Variants in ANO8 observed in about 807,000 individuals in gnomAD.
ANO8 encodes anoctamin 8.
Under a neutral mutation model 120.4 loss-of-function variants are expected in ANO8, and 67 were observed. That is an observed-to-expected ratio of 0.56 (90% CI 0.46 to 0.68). The LOEUF (loss-of-function observed/expected upper bound fraction) is 0.68, where lower values mean the gene tolerates loss of function less well. ANO8 is among the 30% of genes least tolerant of loss of function. ANO8 has a pLI of 0.00. For missense variants in ANO8, 1,526 were observed against 1,737.6 expected, an observed-to-expected ratio of 0.88 and a Z score of 2.16; for synonymous variants, 727 against 759.2, an observed-to-expected ratio of 0.96 and a Z score of 0.70.
In ANO8 at chr19:17,330,188, C is replaced by A; in HGVS notation, c.1210G>T (p.Ala404Ser). 4 of 1,614,078 alleles carry A rather than the reference C, an allele frequency of 2.5e-6. No individual in the cohort carries two copies. Among genetic ancestry groups the A allele is most frequent in the Non-Finnish European group, 8.5e-7 (1 of 1,180,024 alleles). The change falls in exon 10 of 18, where the codon GCC (alanine) becomes TCC (serine). Residue 404 changes from alanine to serine, a missense_variant. By Grantham distance (99) the Ala-to-Ser change is moderately conservative. This residue lies in a region of ANO8 where 91 missense variants were observed against 85.3 expected (regional missense o/e 1.07). Coordinates refer to ENST00000159087, the MANE Select transcript of ANO8 (RefSeq NM_020959.3). ...TCGGCACTCACACTGACAAGCAGGGCCAGCATGACCTTAGGCAGGAATCGG... is the reference window on the plus strand; with the variant it reads ...TCGGCACTCACACTGACAAGCAGGGACAGCATGACCTTAGGCAGGAATCGG... ...LARFLPKVML[A>S]LLVSVSAEGY...
chr19:17,333,959 C>T lies in ANO8; in HGVS notation c.107-159G>A, dbSNP rs989566162. 6.6e-6 allele frequency among the ~76,000 whole-genome samples: 1 copy of T among 152,176 alleles called. No homozygotes were observed. The highest frequency in any genetic ancestry group is 2.4e-5 in the African/African-American group (1 of 41,440). On this transcript the variant is annotated intron_variant, in intron 1 of 17. Coordinates refer to ENST00000159087, the MANE Select transcript of ANO8 (RefSeq NM_020959.3). This position sits in a 1 kb window ranked among gnomAD's most constrained non-coding sequence, Gnocchi z 7.2. Reference sequence around the variant, plus strand: ...TTGGCTTATTTTCCTCCCTCCACGTCCTTGTACCAGCCAGGCCTTCCTCCA... The same window carrying T: ...TTGGCTTATTTTCCTCCCTCCACGTTCTTGTACCAGCCAGGCCTTCCTCCA...
In ANO8 at chr19:17,328,710, C is replaced by T. The variant is rs1166330031; in HGVS notation, c.1678G>A (p.Ala560Thr). The change falls in exon 13 of 18, where the codon GCG (alanine) becomes ACG (threonine). Residue 560 changes from alanine (A) to threonine (T), a missense_variant. Physicochemically the swap from Ala to Thr is moderately conservative, Grantham distance 58 (BLOSUM62 0). Transcript: ENST00000159087. ...CCCGCCCGCCGCCGCTCCACCAGCG[C>T]CGCCTCCTCCTCCTCCTCCGGCGCC... is the stretch of plus-strand genomic sequence containing the variant. ...CGAPEEEEEA[A>T]LVERRRAGEG... 1.4e-6 allele frequency: 2 copies of T among 1,381,812 alleles called. No individual in the cohort carries two copies. The highest frequency in any genetic ancestry group is 3.0e-5 in the African/African-American group (2 of 66,066). The allele number at this position is 1,381,812 out of a possible 1,614,324, so 85.6% of individuals were successfully genotyped here.
At chr19:17,329,505 G>C in intron 12 of ANO8, 1 of 548,612 alleles carries the variant, frequency 1.8e-6, no homozygotes. Flanking sequence ...TGCAGCTGCC[G>C]CTCGAGGCTC....
chr19:17,332,514 C>T (rs1297981014), intron 5 of ANO8, among the ~76,000 whole-genome samples: 1 of 152,218 alleles, frequency 6.6e-6, no homozygotes, highest in Non-Finnish European at 1.5e-5. Flanking sequence ...GAATCCAACG[C>T]CCAGAGCCGC....
In ANO8 at chr19:17,327,808, G is replaced by A. The variant is rs1446262892; in HGVS notation, c.2299C>T (p.Leu767=). 1 of 1,614,110 alleles carries A rather than the reference G, an allele frequency of 6.2e-7. No homozygotes were observed. The highest frequency in any genetic ancestry group is 8.5e-7 in the Non-Finnish European group (1 of 1,180,026). The change falls in exon 14 of 18, where the codon CTG becomes TTG. Residue 767 remains leucine, a synonymous_variant. Coordinates refer to ENST00000159087, the MANE Select transcript of ANO8 (RefSeq NM_020959.3). ...YVVLFSSAFP[L]AALCALVNNL... Reference sequence around the variant, plus strand: ...TTGACCAGGGCGCACAGCGCCGCCAGGGGGAAGGCGGACGAGAAGAGCACA... The same window carrying A: ...TTGACCAGGGCGCACAGCGCCGCCAAGGGGAAGGCGGACGAGAAGAGCACA...
Position 17,333,362 on chromosome 19 carries a change from C to G in ANO8, c.350+60G>C. The G allele has an allele frequency of 6.2e-7, 1 of 1,611,980 alleles. No individual in the cohort carries two copies. Among genetic ancestry groups the G allele is most frequent in the Non-Finnish European group, 8.5e-7 (1 of 1,179,168 alleles). On this transcript the variant is annotated intron_variant, in intron 3 of 17. Coordinates refer to ENST00000159087, the MANE Select transcript of ANO8 (RefSeq NM_020959.3). The surrounding 1 kb of genome is among the most constrained non-coding windows in gnomAD (Gnocchi z 7.2). ...GGGCGGCTGGATAGCATGGTTGGCA[C>G]TTGGTAGAGCGGGGAGTCGGGTGGC...
chr19:17,331,079 G>C lies in ANO8; in HGVS notation c.831+9C>G, dbSNP rs1435805605. 5.0e-6 allele frequency: 8 copies of C among 1,614,050 alleles called. No homozygotes were observed. Among genetic ancestry groups the C allele is most frequent in the African/African-American group, 1.3e-5 (1 of 74,934 alleles). ...ATCCCCCAGACCTTGCAGGGTCCCT[G>C]CCCAGTACCTGATCAGCCTCTGTGA... On this transcript the variant is annotated intron_variant, in intron 7 of 17. Coordinates refer to ENST00000159087, the MANE Select transcript of ANO8 (RefSeq NM_020959.3).
chr19:17,334,170 G>A (rs1170820383), intron 1 of ANO8, among the ~76,000 whole-genome samples: 1 of 152,242 alleles, frequency 6.6e-6, no homozygotes, highest in Non-Finnish European at 1.5e-5. Context: ...TTTCACAGGT[G>A]AGGAAACTGA....
chr19:17,328,832 C>T lies in ANO8; in HGVS notation c.1556G>A (p.Arg519Gln), dbSNP rs1242114916. 2.1e-6 allele frequency: 3 copies of T among 1,452,964 alleles called. No individual in the cohort carries two copies. The highest frequency in any genetic ancestry group is 1.8e-6 in the Non-Finnish European group (2 of 1,107,440). 90.0% of individuals were successfully genotyped at this position (1,452,964 alleles called of 1,614,324 possible). ...TTCGAGGCGGCGGGGCGCAGGGCGC[C>T]GGAGGCTCAGGAGGCCAAGCAGGGC... is the stretch of plus-strand genomic sequence containing the variant. ...ARALLGLLSLRRPAPRRLEPQ... is the reference protein window; with the variant it reads ...ARALLGLLSLQRPAPRRLEPQ... The change falls in exon 13 of 18, where the codon CGG becomes CAG. Residue 519 changes from arginine (R) to glutamine (Q), a missense_variant. Arg to Gln is a conservative substitution (Grantham distance 43). This residue lies in a region of ANO8 where 467 missense variants were observed against 425.8 expected (regional missense o/e 1.10). Transcript: ENST00000159087.
In ANO8 at chr19:17,327,292, C is replaced by A. The variant is rs1408719617; in HGVS notation, c.2604G>T (p.Pro868=). ...TGGCCATTTCCTCGGCCACCCAGCC[C>A]GGGATATCGGGGATGGCCACGTGGA... ...YLIHVAIPDI[P]GWVAEEMAKL... The change falls in exon 16 of 18, where the codon CCG becomes CCT. Residue 868 remains proline (P), a synonymous_variant. Transcript: ENST00000159087. 4 of 1,549,320 alleles carry A rather than the reference C, an allele frequency of 2.6e-6. No homozygotes were observed. The highest frequency in any genetic ancestry group is 3.5e-6 in the Non-Finnish European group (4 of 1,146,708).
chr19:17,327,809 G>T lies in ANO8; in HGVS notation c.2298C>A (p.Pro766=). ...GYVVLFSSAF[P]LAALCALVNN... ...TGACCAGGGCGCACAGCGCCGCCAG[G>T]GGGAAGGCGGACGAGAAGAGCACAA... The change falls in exon 14 of 18, where the codon CCC becomes CCA. Residue 766 remains proline, a synonymous_variant. Coordinates refer to ENST00000159087, the MANE Select transcript of ANO8 (RefSeq NM_020959.3). The T allele has an allele frequency of 6.2e-7, 1 of 1,614,218 alleles. No homozygotes were observed. The highest frequency in any genetic ancestry group is 1.1e-5 in the South Asian group (1 of 91,092).
intron 11 of ANO8, 38 bp from the exon 12 acceptor site, chr19:17,329,869 C>A: frequency 6.2e-7 from 1 of 1,613,490 alleles, no homozygotes; most frequent in Admixed American, 1.7e-5. Context: ...TCCTGCACCC[C>A]CACCCGACTC....
chr19:17,323,509 G>A lies in ANO8; in HGVS notation c.*8C>T, dbSNP rs751901069. The A allele has an allele frequency of 1.5e-6, 2 of 1,293,024 alleles. No individual in the cohort carries two copies. The highest frequency in any genetic ancestry group is 3.2e-5 in the South Asian group (1 of 31,324). 80.1% of individuals were successfully genotyped at this position (1,293,024 alleles called of 1,614,324 possible). The stretch of plus-strand genomic sequence containing the variant: ...TGCATATGAGAAGAGAAGGCAGGGC[G>A]GGTAGAGCTAATGCCAGCCGCTGGG... On this transcript the variant is annotated 3_prime_UTR_variant, in exon 18 of 18. Transcript: ENST00000159087.
chr19:17,328,139 G>T, intron 13 of ANO8, 23 bp downstream of exon 13: 5 of 1,510,260 alleles, frequency 3.3e-6, no homozygotes, highest in Admixed American at 2.2e-5. Context: ...CCCGCCCCCT[G>T]CGAGGCCCCG....
At position 17,323,549 on chromosome 19, in the gene ANO8, G is replaced by GGGGGCT. The variant is rs765516826; in HGVS notation, c.3661_3666dup (p.Ser1221_Pro1222dup). 3.6e-5 allele frequency: 47 copies of GGGGGCT among 1,293,462 alleles called. No individual in the cohort carries two copies. The East Asian group carries it at 9.0e-4, about 25-fold the overall frequency. 80.1% of individuals were successfully genotyped at this position (1,293,462 alleles called of 1,614,324 possible). On this transcript the variant is annotated inframe_insertion, in exon 18 of 18. Coordinates refer to ENST00000159087, the MANE Select transcript of ANO8 (RefSeq NM_020959.3). ...CAGCCGCTGGGCCAGCACACGGCCT[G>GGGGGCT]GGGGCTGGGGCTGGGGCTAGGGGAG...
intron 17 of ANO8, 67 bp from the exon 18 acceptor site, chr19:17,323,951 C>T (rs2074256214): frequency 1.6e-5 from 17 of 1,074,666 alleles, no homozygotes; most frequent in Non-Finnish European, 1.8e-5. Flanking sequence ...GGCTGGCAAC[C>T]CTGCCCGCGC....
intron 13 of ANO8, 46 bp downstream of exon 13, chr19:17,328,116 T>C (rs878873291): frequency 5.2e-5 from 75 of 1,446,516 alleles, no homozygotes; most frequent in Middle Eastern, 3.7e-4. Flanking sequence ...GTGTGTCCCG[T>C]CCCCGGCGAG....
In ANO8 at chr19:17,328,638, C is replaced by A. The variant is rs1177253298; in HGVS notation, c.1750G>T (p.Asp584Tyr). The A allele has an allele frequency of 2.6e-6, 4 of 1,527,212 alleles. No homozygotes were observed. Among genetic ancestry groups the A allele is most frequent in the Non-Finnish European group, 2.6e-6 (3 of 1,134,570 alleles). The allele number at this position is 1,527,212 out of a possible 1,614,324, so 94.6% of individuals were successfully genotyped here. A position where few individuals can be genotyped will look rare whatever the true frequency, so the allele number is the denominator to read the frequency against. ...TCCTCCTCCTCCTCGTCGTCCTCGTCCTCCTCCTTGCCCCCTGGAGGCCCG... is the reference window on the plus strand; with the variant it reads ...TCCTCCTCCTCCTCGTCGTCCTCGTACTCCTCCTTGCCCCCTGGAGGCCCG... The part of the protein sequence containing the change: ...GDGPPGGKEE[D>Y]EDDEEEEDEE... Residue 584 changes from aspartate (D) to tyrosine (Y), a missense_variant, in exon 13 of 18, where the codon GAC becomes TAC. Around this residue, in one of 8 missense-constraint regions of ANO8, gnomAD observed 467 missense variants for 425.8 expected, o/e 1.10. Coordinates refer to ENST00000159087, the MANE Select transcript of ANO8 (RefSeq NM_020959.3).
Position 17,333,622 on chromosome 19 carries a change from T to C in ANO8, c.217+68A>G. ...GCCCAAGGCCTCCTACGTATTCCCG[T>C]TCTGGGAAGCCGAGCTCAGGAGAGC... On this transcript the variant is annotated intron_variant, in intron 2 of 17. Transcript: ENST00000159087. The surrounding 1 kb of genome is among the most constrained non-coding windows in gnomAD (Gnocchi z 7.2). The C allele has an allele frequency of 7.2e-7, 1 of 1,391,282 alleles. No individual in the cohort carries two copies. The highest frequency in any genetic ancestry group is 9.5e-7 in the Non-Finnish European group (1 of 1,048,568). 86.2% of individuals were successfully genotyped at this position (1,391,282 alleles called of 1,614,324 possible).
Sources: allele counts gnomAD v4.1 joint callset (sites outside exome capture counted in the v4.1 genomes callset), GRCh38; gene constraint gnomAD v4.1.1; regional missense constraint gnomAD v4.1.1; non-coding constraint Gnocchi (gnomAD v3.1); transcripts MANE v1.5; gene names NCBI Gene and HGNC (gene_info 2026-07-23, HGNC 2026-07-21).